CACNA2D3: variants seen among roughly 807,000 people sequenced by gnomAD.
CACNA2D3 encodes the protein calcium voltage-gated channel auxiliary subunit alpha2delta 3.
CACNA2D3 carries 60 observed loss-of-function variants against 160.6 expected under a neutral mutation model. The ratio of observed to expected loss-of-function variants is 0.37; its 90% CI spans 0.30 to 0.46. The LOEUF is 0.46. Ranked by LOEUF, CACNA2D3 falls within the 20% of genes least tolerant of loss-of-function variation. The probability of loss-of-function intolerance (pLI) is 1.00; values close to 1 mark genes in which losing one functional copy is unlikely to be tolerated. For synonymous variants in CACNA2D3, 558 were observed against 492.9 expected (o/e 1.13, Z -1.75); for missense variants, 1,205 against 1,365.0 (o/e 0.88, Z 1.85).
At chr3:54,972,533 T>TG (rs542626147) in intron 29 of CACNA2D3, among the ~76,000 whole-genome samples, 1 of 150,726 alleles carries the variant, frequency 6.6e-6, no homozygotes, top group Non-Finnish European at 1.5e-5. Context: ...AAAACAGCTG[T>TG]GGGGGCTCAT....
rs948939226 is a variant in CACNA2D3, at chr3:54,806,279, G to A, written c.1381-10574G>A. 2.8e-4 allele frequency among the ~76,000 whole-genome samples: 42 copies of A among 152,088 alleles called. 1 individual carries two copies. The highest frequency in any genetic ancestry group is 1.9e-4 in the Non-Finnish European group (13 of 68,004). On this transcript the variant is annotated intron_variant, in intron 13 of 37. Transcript: ENST00000474759. ...AGTCAAATTGTCCCTGTTTGCAGAC[G>A]ACATGATTGTATATCTAGAAAACCC...
chr3:54,898,747 G>C (rs893710211), intron 26 of CACNA2D3, among the ~76,000 whole-genome samples: 11 of 152,120 alleles, frequency 7.2e-5, no homozygotes, highest in African/African-American at 2.7e-4. Flanking sequence ...TTTGGTAACT[G>C]GGATTTTCAC....
intron 27 of CACNA2D3, among the ~76,000 whole-genome samples, chr3:54,943,646 T>G (rs1386193282): frequency 6.6e-6 from 1 of 152,178 alleles, no homozygotes; most frequent in Non-Finnish European, 1.5e-5. Flanking sequence ...CATCTTAAAT[T>G]TTCCCCCATG....
intron 27 of CACNA2D3, among the ~76,000 whole-genome samples, chr3:54,959,584 T>C (rs1039869762): frequency 6.6e-6 from 1 of 152,218 alleles, no homozygotes; most frequent in Non-Finnish European, 1.5e-5. Flanking sequence ...CTTTAGTAAC[T>C]GTTATTAGGT....
chr3:54,485,091 C>T (rs537455494), intron 4 of CACNA2D3, among the ~76,000 whole-genome samples: 21 of 152,114 alleles, frequency 1.4e-4, no homozygotes, highest in East Asian at 1.4e-3. Flanking sequence ...GTGATTTGCC[C>T]GCCTCGGCCT....
intron 27 of CACNA2D3, among the ~76,000 whole-genome samples, chr3:54,925,950 A>T (rs192343840): frequency 4.6e-5 from 7 of 152,366 alleles, no homozygotes; most frequent in African/African-American, 1.7e-4. Context: ...ATGGAAAAGC[A>T]TTAAGAATAG....
intron 11 of CACNA2D3, among the ~76,000 whole-genome samples, chr3:54,670,936 C>T (rs917816098): frequency 1.3e-5 from 2 of 152,088 alleles, no homozygotes; most frequent in South Asian, 2.1e-4. Context: ...ACCCATGTGA[C>T]GGCATGTGAG....
intron 12 of CACNA2D3, 57 bp downstream of exon 12, chr3:54,752,734 A>G: frequency 8.1e-7 from 1 of 1,237,002 alleles, no homozygotes; most frequent in South Asian, 1.3e-5. Flanking sequence ...GTGCAGAATT[A>G]GGAATATTCA....
At chr3:54,825,738 C>A (rs1703735202) in intron 14 of CACNA2D3, among the ~76,000 whole-genome samples, 1 of 152,138 alleles carries the variant, frequency 6.6e-6, no homozygotes, top group South Asian at 2.1e-4. Flanking sequence ...ACAAGAACAC[C>A]ATTTTAACAC....
intron 13 of CACNA2D3, among the ~76,000 whole-genome samples, chr3:54,801,951 C>T (rs1344087044): frequency 8.5e-5 from 13 of 152,148 alleles, no homozygotes; most frequent in Admixed American, 8.5e-4. Context: ...ATAAGTCTTT[C>T]CAACAAAATT....
intron 4 of CACNA2D3, among the ~76,000 whole-genome samples, chr3:54,391,253 A>G (rs990548999): frequency 6.6e-6 from 1 of 152,234 alleles, no homozygotes; most frequent in African/African-American, 2.4e-5. Context: ...TTTATTTTCC[A>G]TTTAAATTCC....
chr3:54,809,311 C>CTTTTTTTTTTTTTTTTTTTTTTTTTTTTT (rs1217898723), intron 13 of CACNA2D3, among the ~76,000 whole-genome samples: 36 of 80,720 alleles, frequency 4.5e-4, no homozygotes, highest in Non-Finnish European at 6.7e-4. Flanking sequence ...TTCCTTCTTT[C>CTTTTTTTTTTTTTTTTTTTTTTTTTTTTT]TTTTTTTTTT....
chr3:54,290,102 A>G (rs1703148844), intron 2 of CACNA2D3, among the ~76,000 whole-genome samples: 1 of 151,982 alleles, frequency 6.6e-6, no homozygotes, highest in Admixed American at 6.5e-5. Context: ...AAAAGAAACT[A>G]CCATCAGAGT....
chr3:54,208,636 TG>T (rs1424195939), intron 2 of CACNA2D3, among the ~76,000 whole-genome samples: 1 of 152,200 alleles, frequency 6.6e-6, no homozygotes, highest in Admixed American at 6.5e-5. Context: ...CTCTTCTTGA[TG>T]GAGTATAGCC....
intron 2 of CACNA2D3, among the ~76,000 whole-genome samples, chr3:54,303,818 G>GTTTTTTTTTTTTTTTTTTTTTTTTTT (rs71617795): frequency 8.7e-6 from 1 of 115,006 alleles, no homozygotes; most frequent in African/African-American, 3.4e-5. Context: ...CTTTTTTTCT[G>GTTTTTTTTTTTTTTTTTTTTTTTTTT]TTTTTTTTTT....
intron 11 of CACNA2D3, among the ~76,000 whole-genome samples, chr3:54,711,225 C>T (rs1575435016): frequency 6.6e-6 from 1 of 152,182 alleles, no homozygotes; most frequent in Non-Finnish European, 1.5e-5. Flanking sequence ...GTACCATGTA[C>T]GTAAGACTGT....
At chr3:54,894,318 G>A (rs904094771) in intron 25 of CACNA2D3, among the ~76,000 whole-genome samples, 1 of 152,132 alleles carries the variant, frequency 6.6e-6, no homozygotes, top group Non-Finnish European at 1.5e-5. Context: ...CAGTCCTTTC[G>A]CAGTGACACC....
At chr3:54,433,761 C>T (rs907372643) in intron 4 of CACNA2D3, among the ~76,000 whole-genome samples, 1 of 152,130 alleles carries the variant, frequency 6.6e-6, no homozygotes, top group Admixed American at 6.6e-5. Context: ...GCCACCTGGA[C>T]CTCTAATGGG....
intron 35 of CACNA2D3, among the ~76,000 whole-genome samples, chr3:55,021,602 TA>T (rs1703447661): frequency 1.3e-5 from 1 of 75,060 alleles, no homozygotes; most frequent in Non-Finnish European, 2.9e-5. Flanking sequence ...CTCTAAATTA[TA>T]TATATATATA....
Sources: gnomAD v4.1 joint callset for allele counts (sites outside exome capture counted in the v4.1 genomes callset) on GRCh38, gnomAD v4.1.1 for gene constraint, MANE v1.5 for transcripts, NCBI Gene and HGNC (gene_info 2026-07-23, HGNC 2026-07-21) for gene names.